Variants in PTPRG observed in about 807,000 individuals in gnomAD.
The protein encoded by PTPRG is receptor-type tyrosine-protein phosphatase gamma.
A neutral mutation model predicts 165.3 loss-of-function variants in PTPRG; 102 were observed. The ratio of observed to expected loss-of-function variants is 0.62; its 90% confidence interval spans 0.53 to 0.73. PTPRG has a LOEUF of 0.73. Ranked by LOEUF, PTPRG falls within the 30% of genes least tolerant of loss-of-function variation. The probability of loss-of-function intolerance (pLI) is 0.00; values close to 1 mark genes in which losing one functional copy is unlikely to be tolerated. For missense variants in PTPRG, 1,866 were observed against 1,861.4 expected, an observed-to-expected ratio of 1.00 and a Z score of -0.05; for synonymous variants, 675 against 669.5, an observed-to-expected ratio of 1.01 and a Z score of -0.13.
At chr3:61,836,846 G>A (rs2036480295) in intron 2 of PTPRG, among the ~76,000 whole-genome samples, 1 of 151,928 alleles carries the variant, frequency 6.6e-6, no homozygotes, top group African/African-American at 2.4e-5. Flanking sequence ...CCGGGTTCAA[G>A]CAGTTCTCCT....
intron 1 of PTPRG, among the ~76,000 whole-genome samples, chr3:61,658,670 C>T (rs568050287): frequency 4.0e-4 from 61 of 152,162 alleles, no homozygotes; most frequent in African/African-American, 1.4e-3. Flanking sequence ...GATACAAGTT[C>T]TTTGCGAGTT....
chr3:62,005,669 C>T (rs1024607286), intron 4 of PTPRG, among the ~76,000 whole-genome samples: 2 of 141,778 alleles, frequency 1.4e-5, no homozygotes, highest in African/African-American at 2.6e-5. Context: ...CTGGGAATAA[C>T]GTATCAAAGA....
intron 4 of PTPRG, among the ~76,000 whole-genome samples, chr3:62,025,981 A>G (rs943193508): frequency 1.3e-5 from 2 of 152,218 alleles, no homozygotes; most frequent in African/African-American, 4.8e-5. Context: ...ATGATGCTTA[A>G]GTGATTTCTT....
At chr3:61,933,080 G>T (rs1040914189) in intron 2 of PTPRG, among the ~76,000 whole-genome samples, 1 of 152,096 alleles carries the variant, frequency 6.6e-6, no homozygotes, top group Non-Finnish European at 1.5e-5. Context: ...CTGTGATTGG[G>T]GTCCCCAAAG....
At chr3:61,956,659 T>G (rs975083901) in intron 2 of PTPRG, among the ~76,000 whole-genome samples, 10 of 152,156 alleles carry the variant, frequency 6.6e-5, no homozygotes, top group African/African-American at 2.4e-4. Flanking sequence ...GCAGGGCAAA[T>G]GGGACTATTA....
chr3:61,623,096 A>C (rs903183611), intron 1 of PTPRG, among the ~76,000 whole-genome samples: 1 of 152,218 alleles, frequency 6.6e-6, no homozygotes, highest in Non-Finnish European at 1.5e-5. Context: ...TGTAAACAAT[A>C]GAATGGATTA....
rs558828656 is a variant in PTPRG, at chr3:62,245,169, A to T, written c.2467+1271A>T. Reference sequence around the variant, plus strand: ...TTGTGGCTGCTAAACTAATTCTCATAAAGATAGGATAAGTTTTGTGTTACT... The same window carrying T: ...TTGTGGCTGCTAAACTAATTCTCATTAAGATAGGATAAGTTTTGTGTTACT... On this transcript the variant is annotated intron_variant, in intron 15 of 29. Transcript: ENST00000474889. The surrounding 1 kb of genome is among the most constrained non-coding windows in gnomAD (Gnocchi z 4.2). Among the ~76,000 whole-genome samples, 2 of 152,300 alleles carry T rather than the reference A, an allele frequency of 1.3e-5. No individual in the cohort carries two copies. The highest frequency in any genetic ancestry group is 2.1e-4 in the South Asian group (1 of 4,826).
chr3:62,095,226 A>G (rs1024446275), intron 5 of PTPRG, among the ~76,000 whole-genome samples: 4 of 151,906 alleles, frequency 2.6e-5, no homozygotes, highest in African/African-American at 9.7e-5. Flanking sequence ...GTCAGAGGGG[A>G]CTCTTACGCC....
At chr3:61,672,543 C>A (rs1359517338) in intron 1 of PTPRG, among the ~76,000 whole-genome samples, 1 of 145,462 alleles carries the variant, frequency 6.9e-6, no homozygotes, top group East Asian at 2.1e-4. Context: ...CACAGCGAAA[C>A]CCCGTCTCCA....
rs1218774649 is a variant in PTPRG at position 61,950,432 on chromosome 3, A to G, written c.191-39193A>G. On this transcript the variant is annotated intron_variant, in intron 2 of 29. Transcript: ENST00000474889. ...TTGCCCCCATGATTTTAGACATAGT[A>G]GGTGTTCAATGAAGTAAATGCTGAA... Among the ~76,000 whole-genome samples the G allele has an allele frequency of 6.6e-5, 10 of 152,212 alleles. 1 individual carries two copies. The South Asian group carries it at 1.7e-3, about 25-fold the overall frequency.
At chr3:61,786,510 T>C (rs1404567156) in intron 2 of PTPRG, among the ~76,000 whole-genome samples, 1 of 152,178 alleles carries the variant, frequency 6.6e-6, no homozygotes, top group Non-Finnish European at 1.5e-5. Flanking sequence ...GCCAGGCTGG[T>C]TATCGTAACT....
chr3:62,174,891 AAAAC>A (rs1254964347), intron 8 of PTPRG, among the ~76,000 whole-genome samples: 3 of 152,206 alleles, frequency 2.0e-5, no homozygotes, highest in Non-Finnish European at 2.9e-5. Context: ...AGTATTAAGA[AAAAC>A]AAACTTTTCA....
intron 1 of PTPRG, among the ~76,000 whole-genome samples, chr3:61,594,470 AC>A (rs1700645380): frequency 6.6e-6 from 1 of 151,932 alleles, no homozygotes; most frequent in African/African-American, 2.4e-5. Flanking sequence ...AGAAGAGAAG[AC>A]AGTGATTACA....
intron 4 of PTPRG, among the ~76,000 whole-genome samples, chr3:62,053,093 C>T (rs1234706051): frequency 6.6e-6 from 1 of 152,026 alleles, no homozygotes; most frequent in Non-Finnish European, 1.5e-5. Context: ...GTGTGCATTC[C>T]TCTGGCTTTG....
chr3:62,152,363 C>A lies in PTPRG; in HGVS notation c.683-4704C>A, dbSNP rs188871135. The stretch of plus-strand genomic sequence containing the variant: ...AGTGAGAATCTGTCTCTAATTTATA[C>A]AAACAAAAAAAAGATTTTATAAATG... On this transcript the variant is annotated intron_variant, in intron 6 of 29. Transcript: ENST00000474889. 4.0e-5 allele frequency among the ~76,000 whole-genome samples: 6 copies of A among 151,878 alleles called. No homozygotes were observed. In the East Asian group the frequency reaches 1.2e-3, roughly 29 times the overall value.
intron 1 of PTPRG, among the ~76,000 whole-genome samples, chr3:61,677,124 A>G (rs1023244125): frequency 5.3e-5 from 8 of 151,964 alleles, no homozygotes; most frequent in Non-Finnish European, 1.2e-4. Flanking sequence ...GGGCGCCTGT[A>G]GTCCCAGCTA....
At chr3:61,580,261 G>A (rs1449033019) in intron 1 of PTPRG, among the ~76,000 whole-genome samples, 1 of 152,076 alleles carries the variant, frequency 6.6e-6, no homozygotes, top group African/African-American at 2.4e-5. Flanking sequence ...GGGCAACATG[G>A]CGAGACCCTA....
chr3:61,853,887 G>C (rs898685324), intron 2 of PTPRG, among the ~76,000 whole-genome samples: 4 of 152,204 alleles, frequency 2.6e-5, no homozygotes, highest in African/African-American at 9.7e-5. Flanking sequence ...TGGTCATTTA[G>C]GTTGTTAAGA....
At chr3:61,998,110 C>T (rs997464675) in intron 3 of PTPRG, among the ~76,000 whole-genome samples, 1 of 152,232 alleles carries the variant, frequency 6.6e-6, no homozygotes, top group East Asian at 1.9e-4. Flanking sequence ...CTGTGTTATA[C>T]ACACATGTTG....
Sources: allele counts gnomAD v4.1 joint callset (sites outside exome capture counted in the v4.1 genomes callset), GRCh38; gene constraint gnomAD v4.1.1; non-coding constraint Gnocchi (gnomAD v3.1); transcripts MANE v1.5; gene names NCBI Gene and HGNC (gene_info 2026-07-23, HGNC 2026-07-21).